The following ADGRL3 variants were observed in gnomAD, a reference collection of about 807,000 sequenced individuals.
ADGRL3 encodes the protein calcium-independent alpha-latrotoxin receptor 3.
Under a neutral mutation model 153.5 loss-of-function variants are expected in ADGRL3, and 62 were observed. That is an observed-to-expected ratio of 0.40 (90% CI 0.33 to 0.50). ADGRL3 has a LOEUF of 0.50. Ranked by LOEUF, ADGRL3 falls within the 20% of genes least tolerant of loss-of-function variation. The pLI is 0.47. For synonymous variants in ADGRL3, 710 were observed against 672.5 expected, an observed-to-expected ratio of 1.06 and a Z score of -0.86; for missense variants, 1,641 against 1,859.4, an observed-to-expected ratio of 0.88 and a Z score of 2.16.
chr4:61,262,365 A>T lies in ADGRL3; in HGVS notation c.-240+60600A>T, dbSNP rs371137365. ...GTTTGGCATGATTTCACTAAAAGTC[A>T]CCCCTTTTCTCTCTAAGTGCTAATT... On this transcript the variant is annotated intron_variant, in intron 1 of 26. Transcript: ENST00000683033. Among the ~76,000 whole-genome samples the T allele has an allele frequency of 5.2e-4, 79 of 152,176 alleles. No homozygotes were observed. In the East Asian group the frequency reaches 6.8e-3, roughly 13 times the overall value.
At chr4:61,386,231 T>C (rs2096734789) in intron 2 of ADGRL3, among the ~76,000 whole-genome samples, 1 of 152,052 alleles carries the variant, frequency 6.6e-6, no homozygotes, top group African/African-American at 2.4e-5. Flanking sequence ...ATTAAGAAAA[T>C]GGCAGCTGAT....
chr4:61,896,243 T>C (rs573694703), intron 11 of ADGRL3, among the ~76,000 whole-genome samples: 58 of 151,760 alleles, frequency 3.8e-4, no homozygotes, highest in African/African-American at 1.4e-3. Flanking sequence ...TAATCATTTA[T>C]CAATGATAAA....
chr4:61,291,607 C>CAT (rs1188232309), intron 1 of ADGRL3, among the ~76,000 whole-genome samples: 1 of 8,546 alleles, frequency 1.2e-4, no homozygotes, highest in Non-Finnish European at 3.1e-4. Context: ...TATATATACA[C>CAT]ACACATATAT....
At chr4:61,205,609 C>A (rs1264015461) in intron 1 of ADGRL3, among the ~76,000 whole-genome samples, 5 of 152,152 alleles carry the variant, frequency 3.3e-5, no homozygotes, top group Non-Finnish European at 4.4e-5. Flanking sequence ...TTTATGTCTT[C>A]TTATTTCATG....
chr4:61,644,583 T>C (rs1395172520), intron 5 of ADGRL3, among the ~76,000 whole-genome samples: 1 of 152,204 alleles, frequency 6.6e-6, no homozygotes, highest in Non-Finnish European at 1.5e-5. Context: ...AGTTTCCATG[T>C]AGTTGAGCGG....
At chr4:61,799,478 T>A (rs1172174454) in intron 8 of ADGRL3, among the ~76,000 whole-genome samples, 1 of 152,070 alleles carries the variant, frequency 6.6e-6, no homozygotes, top group Non-Finnish European at 1.5e-5. Context: ...GAGGAAACAT[T>A]CTTCTATGAC....
At chr4:62,025,004 T>C (rs1717640206) in intron 21 of ADGRL3, among the ~76,000 whole-genome samples, 1 of 151,622 alleles carries the variant, frequency 6.6e-6, no homozygotes, top group Admixed American at 6.6e-5. Context: ...AGAACAAATA[T>C]AATAATATAA....
At chr4:61,700,716 GAA>G (rs1347986901) in intron 6 of ADGRL3, among the ~76,000 whole-genome samples, 1 of 152,148 alleles carries the variant, frequency 6.6e-6, no homozygotes, top group African/African-American at 2.4e-5. Context: ...TTTCCAAAAT[GAA>G]AATCAAGAAA....
intron 24 of ADGRL3, 64 bp from the exon 25 acceptor site, chr4:62,044,389 A>G: frequency 9.4e-7 from 1 of 1,063,374 alleles, no homozygotes; most frequent in South Asian, 1.4e-5. Flanking sequence ...AAAGAAAAGA[A>G]TGATTTGTGT....
chr4:61,645,088 C>T (rs200804556), intron 5 of ADGRL3, among the ~76,000 whole-genome samples: 2 of 149,938 alleles, frequency 1.3e-5, no homozygotes, highest in African/African-American at 4.9e-5. Flanking sequence ...TCTGTTTTAT[C>T]AGAGACTAGG....
intron 4 of ADGRL3, among the ~76,000 whole-genome samples, chr4:61,560,759 C>T (rs558261981): frequency 1.7e-4 from 26 of 152,100 alleles, no homozygotes; most frequent in Admixed American, 5.9e-4. Context: ...ATGGCTTCTC[C>T]GTCTACTTAA....
chr4:62,070,026 T>G (rs545914917), intron 26 of ADGRL3, 83 bp from the exon 27 acceptor site: 2 of 1,080,254 alleles, frequency 1.9e-6, no homozygotes, highest in Admixed American at 4.4e-5. Flanking sequence ...TCATAGTCAA[T>G]GAATGTTTTT....
chr4:62,059,936 A>C (rs1373859268), intron 25 of ADGRL3, among the ~76,000 whole-genome samples: 1 of 152,110 alleles, frequency 6.6e-6, no homozygotes, highest in Non-Finnish European at 1.5e-5. Context: ...CCTACACAAA[A>C]ACTGAAAAGG....
At chr4:61,965,308 C>A (rs1474284642) in intron 17 of ADGRL3, among the ~76,000 whole-genome samples, 1 of 151,952 alleles carries the variant, frequency 6.6e-6, no homozygotes, top group African/African-American at 2.4e-5. Flanking sequence ...CTTTTTCTGG[C>A]CTATTTCATT....
chr4:61,325,724 T>C (rs2095450720), intron 1 of ADGRL3, among the ~76,000 whole-genome samples: 1 of 152,192 alleles, frequency 6.6e-6, no homozygotes, highest in African/African-American at 2.4e-5. Context: ...TACTATTCTT[T>C]TGTTACAGAA....
chr4:61,502,616 A>G (rs1219250461), intron 3 of ADGRL3, among the ~76,000 whole-genome samples: 4 of 152,146 alleles, frequency 2.6e-5, no homozygotes, highest in Non-Finnish European at 4.4e-5. Flanking sequence ...TAGTAGGGAC[A>G]AAAGAATGAT....
At chr4:61,657,552 A>C (rs1011588444) in intron 5 of ADGRL3, among the ~76,000 whole-genome samples, 6 of 152,234 alleles carry the variant, frequency 3.9e-5, no homozygotes, top group East Asian at 1.9e-4. Context: ...ATGGGATATA[A>C]AAATTCTCAT....
At chr4:61,634,888 A>G (rs944140955) in intron 5 of ADGRL3, among the ~76,000 whole-genome samples, 3 of 152,226 alleles carry the variant, frequency 2.0e-5, no homozygotes, top group Admixed American at 6.5e-5. Context: ...TTTTGGAATG[A>G]ACATTTTTCA....
chr4:61,749,629 T>C (rs935649338), intron 8 of ADGRL3, among the ~76,000 whole-genome samples: 9 of 151,940 alleles, frequency 5.9e-5, no homozygotes, highest in Non-Finnish European at 2.9e-5. Context: ...AAACACTGCA[T>C]ATTCTCATTC....
Sources: allele counts gnomAD v4.1 joint callset (sites outside exome capture counted in the v4.1 genomes callset), GRCh38; gene constraint gnomAD v4.1.1; transcripts MANE v1.5; gene names NCBI Gene and HGNC (gene_info 2026-07-23, HGNC 2026-07-21).